The following GHR variants were observed in gnomAD, a reference collection of about 807,000 sequenced individuals.
GHR encodes GH receptor.
A neutral mutation model predicts 67.1 loss-of-function variants in GHR; 35 were observed. The ratio of observed to expected loss-of-function variants is 0.52; its 90% CI spans 0.40 to 0.69. The LOEUF (loss-of-function observed/expected upper bound fraction) is 0.69, where lower values mean the gene tolerates loss of function less well. Ranked by LOEUF, GHR falls within the 30% of genes least tolerant of loss-of-function variation. GHR has a pLI of 0.00. For synonymous variants in GHR, 272 were observed against 269.1 expected (o/e 1.01, Z -0.10); for missense variants, 792 against 764.6 (o/e 1.04, Z -0.42).
At chr5:42,656,967 T>A (rs1755288719) in intron 3 of GHR, among the ~76,000 whole-genome samples, 1 of 152,136 alleles carries the variant, frequency 6.6e-6, no homozygotes, top group Non-Finnish European at 1.5e-5. Context: ...CTTATAAGTT[T>A]ACAAAATGCC....
At chr5:42,602,962 G>A (rs1752452538) in intron 2 of GHR, among the ~76,000 whole-genome samples, 1 of 152,056 alleles carries the variant, frequency 6.6e-6, no homozygotes, top group South Asian at 2.1e-4. Flanking sequence ...TTTTACCAAT[G>A]TGTTCCCTAC....
chr5:42,721,316 T>A lies in GHR; in HGVS notation c.*1892T>A, dbSNP rs886060649. ...TCAGTGAAGAATACTTCTCATTTTT[T>A]AAAAAAGCTTAAAACTTTGAAGTTA... On this transcript the variant is annotated 3_prime_UTR_variant, in exon 10 of 10. Coordinates refer to ENST00000230882, the MANE Select transcript of GHR (RefSeq NM_000163.5). The A allele has an allele frequency of 2.6e-5, 4 of 152,234 alleles. No homozygotes were observed. Among genetic ancestry groups the A allele is most frequent in the Non-Finnish European group, 5.9e-5 (4 of 68,032 alleles). 9.4% of individuals were successfully genotyped at this position (152,234 alleles called of 1,614,324 possible).
intron 1 of GHR, among the ~76,000 whole-genome samples, chr5:42,532,162 G>GCTCTTCCTGATCAT (rs1748001049): frequency 6.6e-6 from 1 of 152,064 alleles, no homozygotes; most frequent in Non-Finnish European, 1.5e-5. Flanking sequence ...AACTGAGAAA[G>GCTCTTCCTGATCAT]CTCTTCCTGA....
At chr5:42,467,915 GGTAA>G in intron 1 of GHR, 1 of 747,082 alleles carries the variant, frequency 1.3e-6, no homozygotes. Flanking sequence ...GAAGCTTTCA[GGTAA>G]GTGACAGTCA....
chr5:42,713,322 A>G (rs1758562000), intron 7 of GHR, 107 bp from the exon 8 acceptor site: 2 of 710,916 alleles, frequency 2.8e-6, no homozygotes, highest in Admixed American at 3.8e-5. Context: ...CACTGACTTT[A>G]TTAGATGAAT....
rs34257854 is a variant in GHR at position 42,609,610 on chromosome 5, CA to C, written c.71-19425del. 4.3e-3 allele frequency among the ~76,000 whole-genome samples: 656 copies of C among 152,030 alleles called. 3 individuals are homozygous for C. Among genetic ancestry groups the C allele is most frequent in the African/African-American group, 0.015 (634 of 41,474 alleles). On this transcript the variant is annotated intron_variant, in intron 2 of 9. Coordinates refer to ENST00000230882, the MANE Select transcript of GHR (RefSeq NM_000163.5). Reference sequence around the variant, plus strand: ...TCCTGCAGGAACTTCTTAGAAGGGCCAAAGATAAAGGATGAAGTGTCCTCAT... The same window carrying C: ...TCCTGCAGGAACTTCTTAGAAGGGCCAAGATAAAGGATGAAGTGTCCTCAT...
intron 1 of GHR, among the ~76,000 whole-genome samples, chr5:42,559,122 A>G (rs754251838): frequency 2.6e-5 from 4 of 152,208 alleles, no homozygotes; most frequent in Non-Finnish European, 5.9e-5. Flanking sequence ...AATTAAATTA[A>G]ATTTAAATTG....
intron 2 of GHR, among the ~76,000 whole-genome samples, chr5:42,613,780 G>A (rs1753003500): frequency 6.6e-6 from 1 of 152,062 alleles, no homozygotes; most frequent in Non-Finnish European, 1.5e-5. Context: ...GGGGAATAGG[G>A]AACAACTGGG....
chr5:42,497,005 C>A (rs993582160), intron 1 of GHR, among the ~76,000 whole-genome samples: 1 of 152,134 alleles, frequency 6.6e-6, no homozygotes, highest in Non-Finnish European at 1.5e-5. Flanking sequence ...GAGTGAGGGG[C>A]CTTCCATGTT....
chr5:42,497,849 A>C (rs1746383828), intron 1 of GHR, among the ~76,000 whole-genome samples: 1 of 152,184 alleles, frequency 6.6e-6, no homozygotes, highest in Admixed American at 6.6e-5. Context: ...GGTGATTTGC[A>C]TTTCTATAGG....
At chr5:42,547,943 T>A in intron 1 of GHR, 1 of 259,640 alleles carries the variant, frequency 3.9e-6, no homozygotes, top group Non-Finnish European at 6.0e-6. Flanking sequence ...CTGCCTTTGT[T>A]CTTATACTCC....
intron 1 of GHR, chr5:42,468,478 GT>G (rs1744839031): frequency 1.2e-6 from 1 of 801,098 alleles, no homozygotes; most frequent in Non-Finnish European, 2.0e-6. Context: ...CCCGACCAGA[GT>G]TCACTGGCTC....
chr5:42,435,081 T>TC (rs1410928759), intron 1 of GHR, among the ~76,000 whole-genome samples: 1 of 152,210 alleles, frequency 6.6e-6, no homozygotes, highest in Non-Finnish European at 1.5e-5. Flanking sequence ...TATAGAGAAT[T>TC]CCCTACAGTA....
chr5:42,439,077 C>T (rs1244603957), intron 1 of GHR, among the ~76,000 whole-genome samples: 1 of 151,896 alleles, frequency 6.6e-6, no homozygotes, highest in Non-Finnish European at 1.5e-5. Context: ...AAAATGCTGC[C>T]AAATTTAAGT....
chr5:42,604,982 A>G (rs1321393706), intron 2 of GHR, among the ~76,000 whole-genome samples: 1 of 151,106 alleles, frequency 6.6e-6, no homozygotes, highest in Non-Finnish European at 1.5e-5. Context: ...GACTACCTAG[A>G]GCTTTCTTTA....
At chr5:42,474,295 G>GAGAAAAAGAA (rs1554054587) in intron 1 of GHR, among the ~76,000 whole-genome samples, 1 of 81,070 alleles carries the variant, frequency 1.2e-5, no homozygotes. Context: ...AAAAGAGAAA[G>GAGAAAAAGAA]AGAAAGAAAG....
chr5:42,638,673 C>T (rs1754321739), intron 3 of GHR, among the ~76,000 whole-genome samples: 1 of 152,100 alleles, frequency 6.6e-6, no homozygotes, highest in African/African-American at 2.4e-5. Flanking sequence ...TGCAGTCTGT[C>T]GTTGACCAAA....
intron 2 of GHR, among the ~76,000 whole-genome samples, chr5:42,583,780 C>A (rs567540752): frequency 6.6e-5 from 10 of 152,034 alleles, no homozygotes; most frequent in African/African-American, 2.2e-4. Flanking sequence ...TACCCAAATT[C>A]TTCTTCTTGC....
chr5:42,428,710 T>C (rs1288789655), intron 1 of GHR, among the ~76,000 whole-genome samples: 1 of 152,186 alleles, frequency 6.6e-6, no homozygotes, highest in African/African-American at 2.4e-5. Flanking sequence ...GCCACCAGTC[T>C]CTTTGCTAAA....
Sources: gnomAD v4.1 joint callset for allele counts (sites outside exome capture counted in the v4.1 genomes callset) on GRCh38, gnomAD v4.1.1 for gene constraint, MANE v1.5 for transcripts, NCBI Gene and HGNC (gene_info 2026-07-23, HGNC 2026-07-21) for gene names.